LCTL: variants seen among roughly 807,000 people sequenced by gnomAD.
LCTL encodes lactase-like protein.
Under a neutral mutation model 75.8 loss-of-function variants are expected in LCTL, and 76 were observed. The observed-to-expected ratio is 1.00, with a 90% CI of 0.83 to 1.21. The LOEUF is 1.21. Ranked by LOEUF, LCTL falls within the 50% of genes most tolerant of loss-of-function variation. The pLI, the probability that LCTL is intolerant of heterozygous loss-of-function variation, is 0.00. For missense variants in LCTL, 670 were observed against 712.4 expected, an observed-to-expected ratio of 0.94 and a Z score of 0.68; for synonymous variants, 271 against 268.8, an observed-to-expected ratio of 1.01 and a Z score of -0.08.
At chr15:66,551,194 A>G (rs1895584176) in intron 11 of LCTL, among the ~76,000 whole-genome samples, 1 of 151,832 alleles carries the variant, frequency 6.6e-6, no homozygotes, top group South Asian at 2.1e-4. Context: ...TAAAAATACA[A>G]AAATTAGCTG....
chr15:66,561,086 C>T, exon 6 of LCTL: 2 of 1,614,192 alleles, frequency 1.2e-6, no homozygotes, highest in Middle Eastern at 1.6e-4. Flanking sequence ...GTCTCATAGC[C>T]TTTTTCTGCC....
chr15:66,563,859 A>G (rs562627722), intron 3 of LCTL, 52 bp downstream of exon 4: 8 of 1,427,128 alleles, frequency 5.6e-6, no homozygotes, highest in Non-Finnish European at 9.9e-7. Context: ...TGCAAAGCCA[A>G]CATTGCCGGA....
At chr15:66,558,094 A>G (rs994689569) in intron 6 of LCTL, 58 bp from the exon 8 acceptor site, 84 of 1,457,364 alleles carry the variant, frequency 5.8e-5, no homozygotes, top group Non-Finnish European at 7.7e-5. Context: ...CCTCCCTTTC[A>G]ATCTGAGTGG....
chr15:66,562,844 A>G (rs777844866), intron 4 of LCTL, among the ~76,000 whole-genome samples: 1 of 152,178 alleles, frequency 6.6e-6, no homozygotes, highest in Non-Finnish European at 1.5e-5. Flanking sequence ...TCGGCCCCCC[A>G]AAGTGCTAGG....
intron 11 of LCTL, among the ~76,000 whole-genome samples, chr15:66,550,684 G>T (rs953149146): frequency 6.6e-6 from 1 of 151,832 alleles, no homozygotes; most frequent in Non-Finnish European, 1.5e-5. Flanking sequence ...TTGCTATGTT[G>T]CCCAGGCTGG....
chr15:66,565,579 C>T, upstream of LCTL: 1 of 531,974 alleles, frequency 1.9e-6, no homozygotes, highest in Non-Finnish European at 3.3e-6. Context: ...GGGCAAGACT[C>T]CAAACTATCC....
At chr15:66,564,290 G>C (rs1406822454) in intron 2 of LCTL, 2 of 509,890 alleles carry the variant, frequency 3.9e-6, no homozygotes, top group Non-Finnish European at 7.0e-6. Flanking sequence ...GAGGAAAGTG[G>C]GTGCTGAGGA....
exon 4 of LCTL, chr15:66,563,610 T>C (rs143960341): frequency 1.2e-6 from 2 of 1,609,488 alleles, no homozygotes; most frequent in Admixed American, 1.7e-5. Flanking sequence ...GATTCCCTTC[T>C]TGTTCACCTG....
At chr15:66,551,700 T>C (rs1188510498) in exon 11 of LCTL, 1 of 1,614,118 alleles carries the variant, frequency 6.2e-7, no homozygotes, top group African/African-American at 1.3e-5. Flanking sequence ...ATGATAATCT[T>C]CTTGTAATAT....
chr15:66,547,836 G>C (rs1895437081), exon 13 of LCTL: 1 of 152,178 alleles, frequency 6.6e-6, no homozygotes, highest in African/African-American at 2.4e-5. Context: ...GCACAGGCTG[G>C]AGTGCAGTGG....
At chr15:66,557,643 T>G in intron 8 of LCTL, 79 bp downstream of exon 9, 3 of 1,444,320 alleles carry the variant, frequency 2.1e-6, no homozygotes, top group Non-Finnish European at 1.9e-6. Context: ...GAGCTCTTCA[T>G]CCCCCTGCCT....
At chr15:66,548,411 G>C (rs1895461622) in exon 13 of LCTL, 4 of 653,492 alleles carry the variant, frequency 6.1e-6, no homozygotes, top group Non-Finnish European at 1.1e-5. Context: ...AAACAGCAAT[G>C]TATGGAAACC....
intron 4 of LCTL, 131 bp downstream of exon 5, chr15:66,563,385 G>C: frequency 1.8e-6 from 1 of 568,690 alleles, no homozygotes; most frequent in South Asian, 2.5e-5. Context: ...TCACTCACTC[G>C]CATCTTATAG....
chr15:66,557,770 T>A (rs147223667), exon 8 of LCTL: 1 of 1,614,022 alleles, frequency 6.2e-7, no homozygotes, highest in Non-Finnish European at 8.5e-7. Context: ...TAAATGGGGT[T>A]GGCAAACCAG....
Position 66,565,383 on chromosome 15 carries a change from C to T in LCTL, c.-18G>A, listed in dbSNP as rs368661761. On this transcript the variant is annotated 5_prime_UTR_variant, in exon 1 of 13. An upstream start codon of the reference 5' UTR is lost. Coordinates refer to ENST00000341509, the Ensembl canonical transcript of LCTL. ...GGCTTCATGGTGCCTGGCCCTCCCC[C>T]ATACCTGAAAAAGTGCAGCTGGCTC... 5.9e-6 allele frequency: 9 copies of T among 1,514,892 alleles called. No homozygotes were observed. The highest frequency in any genetic ancestry group is 8.1e-6 in the Non-Finnish European group (9 of 1,104,436). 93.8% of individuals were successfully genotyped at this position (1,514,892 alleles called of 1,614,324 possible).
chr15:66,557,608 C>G lies in LCTL; in HGVS notation c.922+114G>C, dbSNP rs900382901. 3.5e-5 allele frequency: 36 copies of G among 1,043,378 alleles called. No homozygotes were observed. In the African/African-American group the frequency reaches 5.7e-4, roughly 17 times the overall value. 64.6% of individuals were successfully genotyped at this position (1,043,378 alleles called of 1,614,324 possible). A position where few individuals can be genotyped will look rare whatever the true frequency, so the allele number is the denominator to read the frequency against. On this transcript the variant is annotated intron_variant, in intron 8 of 12. Coordinates refer to ENST00000341509, the Ensembl canonical transcript of LCTL. ...CAATTCTTTTGAGTCTGGATTATCC[C>G]TTGAGTACCTCACCCAGGCCCAGTG...
exon 13 of LCTL, chr15:66,548,294 C>T: frequency 2.5e-6 from 1 of 397,734 alleles, no homozygotes; most frequent in Non-Finnish European, 4.5e-6. Flanking sequence ...GGTGAGATTA[C>T]AAGTGTTTTT....
At chr15:66,559,471 G>T (rs1895827149) in intron 6 of LCTL, among the ~76,000 whole-genome samples, 1 of 152,208 alleles carries the variant, frequency 6.6e-6, no homozygotes. Flanking sequence ...ACTTTGGGAG[G>T]GCAAGGTGGG....
chr15:66,549,820 AATG>A, intron 12 of LCTL: 1 of 380,622 alleles, frequency 2.6e-6, no homozygotes, highest in South Asian at 7.2e-5. Flanking sequence ...ATAAAACTTG[AATG>A]GATAAAATGG....
Sources: gnomAD v4.1 joint callset for allele counts (sites outside exome capture counted in the v4.1 genomes callset) on GRCh38, gnomAD v4.1.1 for gene constraint, MANE v1.5 for transcripts, NCBI Gene and HGNC (gene_info 2026-07-23, HGNC 2026-07-21) for gene names.